OR52N4: variants seen among roughly 807,000 people sequenced by gnomAD.
The protein encoded by OR52N4 is olfactory receptor 52N4.
OR52N4 carries 15 observed loss-of-function variants against 15.0 expected under a neutral mutation model. That is an observed-to-expected ratio of 1.00 (90% confidence interval 0.67 to 1.54). The LOEUF is 1.54. Ranked by LOEUF, OR52N4 falls within the 40% of genes most tolerant of loss-of-function variation. The pLI is 0.00. For synonymous variants in OR52N4, 143 were observed against 143.7 expected (o/e 1.00, Z 0.03); for missense variants, 421 against 394.0 (o/e 1.07, Z -0.58).
the OR52N4 span, among the ~76,000 whole-genome samples, chr11:5,732,418 TAGAC>T: frequency 6.6e-6 from 1 of 152,188 alleles, no homozygotes; most frequent in Non-Finnish European, 1.5e-5. Flanking sequence ...ACTCCAAAAA[TAGAC>T]AGTTCTTTTC....
chr11:5,754,726 C>G lies in OR52N4; in HGVS notation c.-15C>G. 1.9e-6 allele frequency: 3 copies of G among 1,583,996 alleles called. No individual in the cohort carries two copies. In the South Asian group the frequency reaches 3.5e-5, roughly 18 times the overall value. On this transcript the variant is annotated 5_prime_UTR_variant, in exon 2 of 2. Coordinates refer to ENST00000641350, the MANE Select transcript of OR52N4 (RefSeq NM_001005175.5). ...AGACAAATTTTGAGCTATTTCATAA[C>G]CTACCAGACTTATCATGCTAACACT...
chr11:5,736,223 G>C, the OR52N4 span: 1 of 331,038 alleles, frequency 3.0e-6, no homozygotes, highest in Non-Finnish European at 5.6e-6. Flanking sequence ...ATTTTGAAAG[G>C]CTATGTAAGA....
rs753229074 is a variant in OR52N4, at chr11:5,755,137, C to T, written c.397C>T (p.Arg133Cys). ...CTATGTGGCCATCTGCTACCCCTTA[C>T]GCTATTCAACTATCCTCACCAATCC... ...DRYVAICYPL[R>C]YSTILTNPVI... The change falls in exon 2 of 2, where the codon CGC becomes TGC. Residue 133 changes from arginine (R) to cysteine (C), a missense_variant. By Grantham distance (180) the Arg-to-Cys change is radical (BLOSUM62 -3). Coordinates refer to ENST00000641350, the MANE Select transcript of OR52N4 (RefSeq NM_001005175.5). The T allele has an allele frequency of 5.3e-5, 85 of 1,614,042 alleles. 1 individual carries two copies. The highest frequency in any genetic ancestry group is 3.3e-4 in the Middle Eastern group (2 of 6,060).
chr11:5,732,998 T>G, the OR52N4 span, among the ~76,000 whole-genome samples: 1 of 152,170 alleles, frequency 6.6e-6, no homozygotes, highest in Non-Finnish European at 1.5e-5. Context: ...TTATAAAATT[T>G]ACATCCAGTA....
the OR52N4 span, among the ~76,000 whole-genome samples, chr11:5,731,706 T>C: frequency 6.6e-6 from 1 of 152,174 alleles, no homozygotes; most frequent in African/African-American, 2.4e-5. Context: ...GTCCCTGCCA[T>C]GTGAGCCATG....
chr11:5,728,119 A>T, the OR52N4 span, among the ~76,000 whole-genome samples: 1 of 152,086 alleles, frequency 6.6e-6, no homozygotes, highest in Non-Finnish European at 1.5e-5. Context: ...TCACAGGTAC[A>T]CTCCTGTCTC....
At position 5,754,967 on chromosome 11, in the gene OR52N4, G is replaced by A. The variant is rs748747858; in HGVS notation, c.227G>A (p.Cys76Tyr). ...CTTTCCTTTACTGACCTTGTTATGT[G>A]CTCTAGTACAATCCCTAAAGCCCTC... The part of the protein sequence containing the change: ...AMLSFTDLVM[C>Y]SSTIPKALCI... Residue 76 changes from cysteine (C) to tyrosine (Y), a missense_variant, in exon 2 of 2, where the codon TGC becomes TAC. Transcript: ENST00000641350. The A allele has an allele frequency of 6.2e-7, 1 of 1,613,776 alleles. No individual in the cohort carries two copies. Among genetic ancestry groups the A allele is most frequent in the Non-Finnish European group, 8.5e-7 (1 of 1,179,828 alleles).
At chr11:5,736,912 T>C in the OR52N4 span, 2 of 1,614,036 alleles carry the variant, frequency 1.2e-6, no homozygotes, top group Non-Finnish European at 1.7e-6. Flanking sequence ...TTGATAGATA[T>C]GTGGCTATTT....
At chr11:5,732,030 T>C in the OR52N4 span, among the ~76,000 whole-genome samples, 16 of 152,192 alleles carry the variant, frequency 1.1e-4, no homozygotes, top group Admixed American at 6.5e-5. Flanking sequence ...AGTTATTTTT[T>C]TTGCAGTAAG....
chr11:5,738,181 G>T, the OR52N4 span: 1 of 152,246 alleles, frequency 6.6e-6, no homozygotes, highest in Admixed American at 6.5e-5. Flanking sequence ...AAACTCCTTT[G>T]TCTTTCGGTG....
chr11:5,737,603 T>C, the OR52N4 span: 351,400 of 960,636 alleles, frequency 0.37, 65,643 homozygotes, highest in East Asian at 0.47. Context: ...TTTATATTTG[T>C]ATGTAAATAA....
At chr11:5,737,838 A>G in the OR52N4 span, 1 of 184,832 alleles carries the variant, frequency 5.4e-6, no homozygotes, top group Admixed American at 5.3e-5. Context: ...CAAATGAGTG[A>G]TTGGGACATG....
upstream of OR52N4, among the ~76,000 whole-genome samples, chr11:5,753,870 G>A (rs150254000): frequency 2.9e-3 from 432 of 148,012 alleles, no homozygotes; most frequent in African/African-American, 0.01. Context: ...GCATGTGCCT[G>A]TAGTCGCAGC....
chr11:5,741,150 C>A, the OR52N4 span, among the ~76,000 whole-genome samples: 1 of 152,060 alleles, frequency 6.6e-6, no homozygotes, highest in Admixed American at 6.5e-5. Flanking sequence ...ATGGTTACTG[C>A]CCTCTCTACA....
chr11:5,744,534 G>A, the OR52N4 span, among the ~76,000 whole-genome samples: 1 of 152,218 alleles, frequency 6.6e-6, no homozygotes, highest in South Asian at 2.1e-4. Context: ...TTCCAGTGGT[G>A]CAAAGGTAGT....
the OR52N4 span, among the ~76,000 whole-genome samples, chr11:5,730,966 A>G: frequency 6.6e-6 from 1 of 152,072 alleles, no homozygotes; most frequent in African/African-American, 2.4e-5. Flanking sequence ...CACCTTGACT[A>G]TAAGCAGACT....
At chr11:5,733,294 T>G in the OR52N4 span, among the ~76,000 whole-genome samples, 2 of 152,168 alleles carry the variant, frequency 1.3e-5, no homozygotes, top group Non-Finnish European at 2.9e-5. Flanking sequence ...TCCAGACACA[T>G]TGTTGTCACC....
At chr11:5,727,420 G>T in the OR52N4 span, 1 of 152,210 alleles carries the variant, frequency 6.6e-6, no homozygotes, top group Non-Finnish European at 1.5e-5. Flanking sequence ...AGTTGTCAGG[G>T]TGTTTCAAAG....
chr11:5,737,191 G>A, the OR52N4 span: 5 of 1,614,012 alleles, frequency 3.1e-6, no homozygotes, highest in Admixed American at 8.3e-5. Context: ...TTATTATACT[G>A]TCATATATTT....
Sources: allele counts gnomAD v4.1 joint callset (sites outside exome capture counted in the v4.1 genomes callset), GRCh38; gene constraint gnomAD v4.1.1; transcripts MANE v1.5; gene names NCBI Gene and HGNC (gene_info 2026-07-23, HGNC 2026-07-21).